The following PRKG1 variants were observed in gnomAD, a reference collection of about 807,000 sequenced individuals.
The protein encoded by PRKG1 is protein kinase cGMP-dependent 1, also known as cGMP-dependent protein kinase 1.
PRKG1 carries 35 observed loss-of-function variants against 88.1 expected under a neutral mutation model. That is an observed-to-expected ratio of 0.40 (90% CI 0.30 to 0.53). The LOEUF (loss-of-function observed/expected upper bound fraction) is 0.53. PRKG1 is among the 20% of genes least tolerant of loss of function. The probability of loss-of-function intolerance (pLI) is 0.59; values close to 1 mark genes in which losing one functional copy is unlikely to be tolerated. For synonymous variants in PRKG1, 303 were observed against 292.5 expected (o/e 1.04, Z -0.37); for missense variants, 540 against 839.8 (o/e 0.64, Z 4.41).
intron 8 of PRKG1, among the ~76,000 whole-genome samples, chr10:52,155,174 C>T (rs1322623457): frequency 1.3e-5 from 1 of 78,952 alleles, no homozygotes; most frequent in Non-Finnish European, 4.0e-5. Context: ...GATTGCTGCA[C>T]TGAAATCCCA....
rs1202969138 is a variant in PRKG1 at position 52,271,434 on chromosome 10, C to T, written c.1258C>T (p.His420Tyr). ...CATTGTGGACACAAGACAGCAGGAG[C>T]ACATCCGCTCAGAGAAGCAGATCAT... ...RHIVDTRQQE[H>Y]IRSEKQIMQG... is the part of the protein sequence containing the mutation. Residue 420 changes from histidine (H) to tyrosine (Y), a missense_variant, in exon 11 of 18, where the codon CAC (histidine) becomes TAC (tyrosine). Physicochemically the swap from His to Tyr is moderately conservative, Grantham distance 83. This residue lies in a region of PRKG1 where 400 missense variants were observed against 562.7 expected (regional missense o/e 0.71). Coordinates refer to ENST00000373980, the MANE Select transcript of PRKG1 (RefSeq NM_006258.4). 6.2e-7 allele frequency: 1 copy of T among 1,612,938 alleles called. No individual in the cohort carries two copies. Among genetic ancestry groups the T allele is most frequent in the Non-Finnish European group, 8.5e-7 (1 of 1,179,420 alleles).
At chr10:51,087,970 A>G (rs1844297456) in intron 1 of PRKG1, among the ~76,000 whole-genome samples, 2 of 152,116 alleles carry the variant, frequency 1.3e-5, no homozygotes, top group Non-Finnish European at 2.9e-5. Flanking sequence ...TTACTGTGTT[A>G]CTTAGGCTGG....
At chr10:52,250,588 G>A (rs552313375) in intron 9 of PRKG1, among the ~76,000 whole-genome samples, 2 of 152,254 alleles carry the variant, frequency 1.3e-5, no homozygotes, top group East Asian at 1.9e-4. Context: ...TACTGAATCA[G>A]GTGTTGCTGA....
chr10:51,726,188 A>C (rs1458576254), intron 3 of PRKG1, among the ~76,000 whole-genome samples: 1 of 152,012 alleles, frequency 6.6e-6, no homozygotes, highest in East Asian at 1.9e-4. Context: ...TTTTCCCCTC[A>C]CTATTTTAAA....
At chr10:51,061,630 TC>T (rs1843693620) in intron 1 of PRKG1, among the ~76,000 whole-genome samples, 3 of 152,318 alleles carry the variant, frequency 2.0e-5, no homozygotes, top group African/African-American at 7.2e-5. Context: ...CTCCCATAAC[TC>T]CACATCTCAT....
chr10:51,842,826 A>G (rs1840311610), intron 4 of PRKG1, among the ~76,000 whole-genome samples: 1 of 152,084 alleles, frequency 6.6e-6, no homozygotes, highest in African/African-American at 2.4e-5. Context: ...ATGCCTGTCA[A>G]TTATAAGAAA....
At chr10:51,357,719 A>G (rs923423796) in intron 2 of PRKG1, among the ~76,000 whole-genome samples, 3 of 151,966 alleles carry the variant, frequency 2.0e-5, no homozygotes, top group Non-Finnish European at 4.4e-5. Flanking sequence ...TAATGAGAAA[A>G]AAAATTTCTA....
intron 3 of PRKG1, among the ~76,000 whole-genome samples, chr10:51,799,304 A>AACCCTTGCCAT (rs1200535577): frequency 1.3e-5 from 2 of 152,016 alleles, no homozygotes; most frequent in Non-Finnish European, 2.9e-5. Flanking sequence ...GGCACACAAG[A>AACCCTTGCCAT]ACCTTTGCCA....
At chr10:51,515,333 A>T (rs1841546526) in intron 3 of PRKG1, among the ~76,000 whole-genome samples, 2 of 152,180 alleles carry the variant, frequency 1.3e-5, no homozygotes, top group South Asian at 4.1e-4. Flanking sequence ...TTTTAGGTGG[A>T]TCATTTTTAT....
At chr10:51,819,795 T>TA (rs1214333843) in intron 4 of PRKG1, among the ~76,000 whole-genome samples, 8 of 152,132 alleles carry the variant, frequency 5.3e-5, no homozygotes, top group Non-Finnish European at 1.2e-4. Flanking sequence ...GCTGAGGGTC[T>TA]ATGCTGAAGA....
intron 3 of PRKG1, among the ~76,000 whole-genome samples, chr10:51,556,888 A>G (rs1283797303): frequency 6.6e-6 from 1 of 152,092 alleles, no homozygotes; most frequent in Non-Finnish European, 1.5e-5. Context: ...TGTTGAAATT[A>G]TAAAGAAAAC....
chr10:51,181,172 A>AT (rs1837331568), intron 2 of PRKG1, among the ~76,000 whole-genome samples: 1 of 148,578 alleles, frequency 6.7e-6, no homozygotes, highest in Non-Finnish European at 1.5e-5. Context: ...TTCTGGTTCC[A>AT]TTTCCTGAAA....
At chr10:51,478,355 G>A (rs1947060) in intron 3 of PRKG1, among the ~76,000 whole-genome samples, 64,282 of 151,882 alleles carry the variant, frequency 0.42, 15,419 homozygotes, top group East Asian at 0.9. Context: ...CCTTAAGGAA[G>A]AATCTGAATC....
At chr10:51,537,421 T>A (rs915698951) in intron 3 of PRKG1, among the ~76,000 whole-genome samples, 2 of 152,092 alleles carry the variant, frequency 1.3e-5, no homozygotes, top group Non-Finnish European at 2.9e-5. Context: ...GATCACTTTA[T>A]CCTGGTTGTA....
intron 3 of PRKG1, among the ~76,000 whole-genome samples, chr10:51,761,686 A>G (rs901412520): frequency 1.3e-5 from 2 of 152,142 alleles, no homozygotes; most frequent in African/African-American, 2.4e-5. Context: ...TTTTTCTTTC[A>G]TCGGAATTTA....
intron 2 of PRKG1, among the ~76,000 whole-genome samples, chr10:51,383,029 A>C (rs1837149527): frequency 6.6e-6 from 1 of 152,128 alleles, no homozygotes; most frequent in South Asian, 2.1e-4. Flanking sequence ...TTCCTTGACC[A>C]ATTCACTAGC....
chr10:51,829,469 A>AAATCT (rs1367263322), intron 4 of PRKG1, among the ~76,000 whole-genome samples: 1 of 152,182 alleles, frequency 6.6e-6, no homozygotes, highest in Non-Finnish European at 1.5e-5. Context: ...GCAGAAGATA[A>AAATCT]AATCTATGAA....
At chr10:51,852,557 G>A (rs1840586663) in intron 4 of PRKG1, among the ~76,000 whole-genome samples, 1 of 152,096 alleles carries the variant, frequency 6.6e-6, no homozygotes, top group African/African-American at 2.4e-5. Context: ...CATAGTTGGT[G>A]AGTACCTGAG....
rs568511296 is a variant in PRKG1, at chr10:51,769,728, G to A, written c.593-34857G>A. Reference sequence around the variant, plus strand: ...GATGACTTGGATGGCTTTTATTGGGGAAATAAAAAAGAGATTTTATCAGGT... The same window carrying A: ...GATGACTTGGATGGCTTTTATTGGGAAAATAAAAAAGAGATTTTATCAGGT... On this transcript the variant is annotated intron_variant, in intron 3 of 17. Coordinates refer to ENST00000373980, the MANE Select transcript of PRKG1 (RefSeq NM_006258.4). 2.9e-4 allele frequency among the ~76,000 whole-genome samples: 44 copies of A among 152,168 alleles called. No homozygotes were observed. In the South Asian group the frequency reaches 8.9e-3, roughly 31 times the overall value.
Sources: gnomAD v4.1 joint callset for allele counts (sites outside exome capture counted in the v4.1 genomes callset) on GRCh38, gnomAD v4.1.1 for gene constraint, gnomAD v4.1.1 regional missense constraint, MANE v1.5 for transcripts, NCBI Gene and HGNC (gene_info 2026-07-23, HGNC 2026-07-21) for gene names.